Variants in PPP1R16B observed in about 807,000 individuals in gnomAD.
PPP1R16B encodes protein phosphatase 1 regulatory subunit 16B.
PPP1R16B carries 14 observed loss-of-function variants against 61.7 expected under a neutral mutation model. The observed-to-expected ratio is 0.23, with a 90% confidence interval of 0.15 to 0.35. The LOEUF (loss-of-function observed/expected upper bound fraction) is 0.35, where lower values mean the gene tolerates loss of function less well. Among genes scored for constraint, PPP1R16B ranks in the 10% least tolerant of loss-of-function variants. The probability of loss-of-function intolerance (pLI) is 1.00; values close to 1 mark genes in which losing one functional copy is unlikely to be tolerated. For synonymous variants in PPP1R16B, 266 were observed against 305.3 expected (o/e 0.87, Z 1.34); for missense variants, 547 against 752.5 (o/e 0.73, Z 3.19).
At chr20:38,915,669 T>C (rs1044237160) in intron 10 of PPP1R16B, among the ~76,000 whole-genome samples, 1 of 152,084 alleles carries the variant, frequency 6.6e-6, no homozygotes, top group African/African-American at 2.4e-5. Flanking sequence ...GTTTTTCTTT[T>C]AGTAGACACA....
intron 2 of PPP1R16B, among the ~76,000 whole-genome samples, chr20:38,889,040 C>T (rs545485908): frequency 1.3e-5 from 2 of 152,268 alleles, no homozygotes; most frequent in East Asian, 3.9e-4. Context: ...TGAGCCATCA[C>T]CTGCTGTGGG....
chr20:38,922,845 A>T lies in PPP1R16B; in HGVS notation c.*4179A>T, dbSNP rs531234178. ...TTCGCAGATCTTTGATATCGTACTGAGGTAACTTCCACGTAGCCCCTTGCC... is the reference window on the plus strand; with the variant it reads ...TTCGCAGATCTTTGATATCGTACTGTGGTAACTTCCACGTAGCCCCTTGCC... On this transcript the variant is annotated 3_prime_UTR_variant, in exon 11 of 11. Transcript: ENST00000299824. 7 of 152,568 alleles carry T rather than the reference A, an allele frequency of 4.6e-5. No individual in the cohort carries two copies. The highest frequency in any genetic ancestry group is 1.7e-4 in the African/African-American group (7 of 41,574). 9.5% of individuals were successfully genotyped at this position (152,568 alleles called of 1,614,324 possible).
chr20:38,823,152 T>C (rs2084783286), intron 1 of PPP1R16B, among the ~76,000 whole-genome samples: 1 of 152,188 alleles, frequency 6.6e-6, no homozygotes, highest in Admixed American at 6.5e-5. Flanking sequence ...CTTCTCTGCA[T>C]GGTGACCTGG....
chr20:38,887,843 C>T (rs569619709), intron 2 of PPP1R16B, among the ~76,000 whole-genome samples: 5 of 152,310 alleles, frequency 3.3e-5, no homozygotes, highest in South Asian at 2.1e-4. Flanking sequence ...CTCCCCTTCA[C>T]GCAGGGCCTC....
chr20:38,896,866 G>T (rs1282424248), intron 4 of PPP1R16B, among the ~76,000 whole-genome samples: 1 of 152,174 alleles, frequency 6.6e-6, no homozygotes, highest in African/African-American at 2.4e-5. Flanking sequence ...ATTCAGAAAG[G>T]CCGGGCACGG....
intron 1 of PPP1R16B, among the ~76,000 whole-genome samples, chr20:38,816,529 T>G (rs1025544798): frequency 6.6e-6 from 1 of 152,138 alleles, no homozygotes. Flanking sequence ...TCAAAAAGAA[T>G]AGGTCCATGT....
intron 1 of PPP1R16B, among the ~76,000 whole-genome samples, chr20:38,819,491 C>T (rs2084759486): frequency 6.6e-6 from 1 of 152,020 alleles, no homozygotes. Context: ...AAAAGATAAA[C>T]TAAAAAATAA....
intron 2 of PPP1R16B, among the ~76,000 whole-genome samples, chr20:38,837,355 T>C (rs2084878731): frequency 6.6e-6 from 1 of 152,194 alleles, no homozygotes; most frequent in Admixed American, 6.5e-5. Context: ...AAGTGATTAT[T>C]ACTGTTTTAT....
At chr20:38,889,419 T>C (rs1462357810) in intron 2 of PPP1R16B, among the ~76,000 whole-genome samples, 176 bp from the exon 3 acceptor site, 1 of 152,258 alleles carries the variant, frequency 6.6e-6, no homozygotes, top group African/African-American at 2.4e-5. Flanking sequence ...CATAATAAGA[T>C]AGGCAGTGGC....
chr20:38,833,723 C>T (rs529145385), intron 1 of PPP1R16B, among the ~76,000 whole-genome samples: 3 of 152,352 alleles, frequency 2.0e-5, no homozygotes, highest in East Asian at 1.9e-4. Flanking sequence ...CTGGAGGTCA[C>T]ACCCACTCAG....
At chr20:38,831,716 A>AC (rs1462574499) in intron 1 of PPP1R16B, among the ~76,000 whole-genome samples, 1 of 152,022 alleles carries the variant, frequency 6.6e-6, no homozygotes, top group Non-Finnish European at 1.5e-5. Context: ...AGAAAAGCAG[A>AC]CCCCCCGATG....
chr20:38,850,500 G>C (rs773020178), intron 2 of PPP1R16B, among the ~76,000 whole-genome samples: 18 of 152,192 alleles, frequency 1.2e-4, no homozygotes, highest in Admixed American at 2.0e-4. Context: ...TTGCCTTCTA[G>C]ACCAGAATTG....
At chr20:38,897,677 A>G (rs1374148957) in intron 4 of PPP1R16B, among the ~76,000 whole-genome samples, 4 of 152,232 alleles carry the variant, frequency 2.6e-5, no homozygotes, top group African/African-American at 7.2e-5. Context: ...AGGACCTGCT[A>G]TACTGTTTTC....
intron 1 of PPP1R16B, among the ~76,000 whole-genome samples, chr20:38,824,075 C>T (rs1234318008): frequency 1.3e-5 from 2 of 152,200 alleles, no homozygotes; most frequent in South Asian, 2.1e-4. Context: ...CTAACCTCTC[C>T]GAGTCCCAGT....
At chr20:38,865,613 A>C (rs921953696) in intron 2 of PPP1R16B, among the ~76,000 whole-genome samples, 2 of 152,132 alleles carry the variant, frequency 1.3e-5, no homozygotes, top group Non-Finnish European at 2.9e-5. Flanking sequence ...TAGATGCGTC[A>C]CCTGGTACAC....
chr20:38,822,044 A>AAATAT (rs1410584289), intron 1 of PPP1R16B, among the ~76,000 whole-genome samples: 1 of 147,812 alleles, frequency 6.8e-6, no homozygotes, highest in African/African-American at 2.5e-5. Flanking sequence ...TTTATAATAT[A>AAATAT]AATATAATAT....
intron 6 of PPP1R16B, among the ~76,000 whole-genome samples, chr20:38,905,697 A>G (rs184824814): frequency 7.7e-4 from 117 of 152,348 alleles, no homozygotes; most frequent in African/African-American, 2.6e-3. Flanking sequence ...TCAGGGCTCA[A>G]TGCACAGTAG....
At chr20:38,851,520 G>A (rs2084969010) in intron 2 of PPP1R16B, among the ~76,000 whole-genome samples, 3 of 152,054 alleles carry the variant, frequency 2.0e-5, no homozygotes, top group Admixed American at 2.0e-4. Context: ...CTCTCTGAGG[G>A]TTAAATTACA....
At chr20:38,914,146 G>A (rs1287424162) in intron 10 of PPP1R16B, among the ~76,000 whole-genome samples, 2 of 150,856 alleles carry the variant, frequency 1.3e-5, no homozygotes, top group African/African-American at 4.9e-5. Context: ...TTGCACCACT[G>A]CACTCCAGCC....
Sources: allele counts gnomAD v4.1 joint callset (sites outside exome capture counted in the v4.1 genomes callset), GRCh38; gene constraint gnomAD v4.1.1; transcripts MANE v1.5; gene names NCBI Gene and HGNC (gene_info 2026-07-23, HGNC 2026-07-21).